YWHAB: variants seen among roughly 807,000 people sequenced by gnomAD.
YWHAB encodes tyrosine 3-monooxygenase/tryptophan 5-monooxygenase activation protein beta, also known as 14-3-3 protein beta/alpha.
In YWHAB, 2 loss-of-function variants were observed where a neutral mutation model predicts 28.5. The ratio of observed to expected loss-of-function variants is 0.07; its 90% CI spans 0.03 to 0.22. The LOEUF (loss-of-function observed/expected upper bound fraction) is 0.22. YWHAB is among the 10% of genes least tolerant of loss of function. YWHAB has a pLI of 1.00. For missense variants in YWHAB, 148 were observed against 297.1 expected (o/e 0.50, Z 3.69); for synonymous variants, 103 against 104.7 (o/e 0.98, Z 0.10).
intron 1 of YWHAB, chr20:44,886,306 C>G (rs945547188): frequency 6.6e-6 from 1 of 152,384 alleles, no homozygotes; most frequent in Non-Finnish European, 1.5e-5. Flanking sequence ...AAAATTTAAT[C>G]AAACGCGGAT....
chr20:44,895,993 T>G (rs1156450057), intron 1 of YWHAB, among the ~76,000 whole-genome samples: 2 of 152,176 alleles, frequency 1.3e-5, no homozygotes, highest in African/African-American at 4.8e-5. Flanking sequence ...CTGTGGGAGA[T>G]ATGTCCAAAG....
chr20:44,898,498 TTTC>T lies in YWHAB; in HGVS notation c.-3-3030_-3-3028del, dbSNP rs768409607. On this transcript the variant is annotated intron_variant, in intron 1 of 5. Transcript: ENST00000353703. ...ATCATTTTGTGAGTGGAGGTCATAC[TTTC>T]TTGTTTTTTTTTTCCTTTTTTTTTT... 7.2e-5 allele frequency among the ~76,000 whole-genome samples: 11 copies of T among 152,084 alleles called. No individual in the cohort carries two copies. In the East Asian group the frequency reaches 7.8e-4, roughly 11 times the overall value.
intron 1 of YWHAB, among the ~76,000 whole-genome samples, chr20:44,892,002 G>A (rs1254626712): frequency 1.3e-5 from 2 of 152,050 alleles, no homozygotes; most frequent in African/African-American, 4.8e-5. Flanking sequence ...ACTTTTTCTG[G>A]GTAACACCCA....
rs145422636 is a variant in YWHAB at position 44,895,699 on chromosome 20, C to G, written c.-3-5832C>G. ...CCCAGGCTGGTCTTGAACTCCTGGTCTCAAGCGATGCTCCAGCTTTGGCCT... is the reference window on the plus strand; with the variant it reads ...CCCAGGCTGGTCTTGAACTCCTGGTGTCAAGCGATGCTCCAGCTTTGGCCT... On this transcript the variant is annotated intron_variant, in intron 1 of 5. Coordinates refer to ENST00000353703, the MANE Select transcript of YWHAB (RefSeq NM_139323.4). 2.6e-5 allele frequency among the ~76,000 whole-genome samples: 4 copies of G among 152,274 alleles called. No individual in the cohort carries two copies. The East Asian group carries it at 7.7e-4, about 29-fold the overall frequency.
chr20:44,901,494 A>G, intron 1 of YWHAB, 37 bp from the exon 2 acceptor site: 1 of 1,541,744 alleles, frequency 6.5e-7, no homozygotes, highest in South Asian at 1.2e-5. Context: ...CCGAAACCTG[A>G]CATTTGCTCT....
chr20:44,900,486 T>C (rs377022010), intron 1 of YWHAB, among the ~76,000 whole-genome samples: 6 of 152,216 alleles, frequency 3.9e-5, no homozygotes, highest in Admixed American at 3.9e-4. Flanking sequence ...GTAACAAAGT[T>C]AGCAGATTAC....
chr20:44,905,012 A>G lies in YWHAB; in HGVS notation c.469A>G (p.Ile157Val). 1.2e-6 allele frequency: 2 copies of G among 1,611,536 alleles called. No individual in the cohort carries two copies. The highest frequency in any genetic ancestry group is 8.5e-7 in the Non-Finnish European group (1 of 1,178,184). The change falls in exon 4 of 6, where the codon ATT becomes GTT. Residue 157 changes from isoleucine to valine, a missense_variant. Ile to Val is a conservative substitution (Grantham distance 29, BLOSUM62 3). Coordinates refer to ENST00000353703, the MANE Select transcript of YWHAB (RefSeq NM_139323.4). Reference protein sequence around the residue: ...SQQAYQEAFEISKKEMQPTHP... With the variant: ...SQQAYQEAFEVSKKEMQPTHP... The stretch of plus-strand genomic sequence containing the variant: ...GCAGGCTTACCAGGAAGCATTTGAA[A>G]TTAGTAAGAAAGAAATGCAGCCTAC...
Position 44,902,190 on chromosome 20 carries a change from C to T in YWHAB, c.300+357C>T, listed in dbSNP as rs144430715. 815 of 166,092 alleles carry T rather than the reference C, an allele frequency of 4.9e-3. 4 individuals carry two copies. The highest frequency in any genetic ancestry group is 0.018 in the African/African-American group (765 of 42,030). The allele number at this position is 166,092 out of a possible 1,614,324, so 10.3% of individuals were successfully genotyped here. On this transcript the variant is annotated intron_variant, in intron 2 of 5. Transcript: ENST00000353703. ...ATATTAGTCAGAGTAGTGATGTCAT[C>T]GCCAGTAGGGGAGGGAGATGAAAAA...
At chr20:44,905,218 C>G in intron 4 of YWHAB, 87 bp downstream of exon 4, 1 of 1,401,098 alleles carries the variant, frequency 7.1e-7, no homozygotes, top group Admixed American at 2.5e-5. Context: ...TACTCATTGT[C>G]TTGGACTTTT....
In YWHAB at chr20:44,906,583, C is replaced by A; in HGVS notation, c.*145C>A. The A allele has an allele frequency of 1.6e-6, 1 of 626,542 alleles. No individual in the cohort carries two copies. The highest frequency in any genetic ancestry group is 2.5e-6 in the Non-Finnish European group (1 of 395,022). 38.8% of individuals were successfully genotyped at this position (626,542 alleles called of 1,614,324 possible). ...CAGCCTCAGCCTAGGAAAAATGGTT[C>A]ATGGGATAAACAGCTGGTATTTGTA... On this transcript the variant is annotated 3_prime_UTR_variant, in exon 6 of 6. Transcript: ENST00000353703.
chr20:44,894,381 T>G (rs2066583143), intron 1 of YWHAB, among the ~76,000 whole-genome samples: 1 of 152,234 alleles, frequency 6.6e-6, no homozygotes, highest in Non-Finnish European at 1.5e-5. Flanking sequence ...TTGCTGACTT[T>G]TTTTTTAGTG....
At chr20:44,895,712 C>T (rs1002631381) in intron 1 of YWHAB, among the ~76,000 whole-genome samples, 23 of 152,188 alleles carry the variant, frequency 1.5e-4, no homozygotes, top group African/African-American at 5.3e-4. Context: ...AAGCGATGCT[C>T]CAGCTTTGGC....
intron 1 of YWHAB, chr20:44,886,357 A>C (rs1307004698): frequency 6.6e-6 from 1 of 152,304 alleles, no homozygotes; most frequent in Non-Finnish European, 1.5e-5. Flanking sequence ...CTCCTCCTGG[A>C]TGAGTAAGGG....
At chr20:44,903,708 TTA>T (rs1434849735) in intron 2 of YWHAB, 1 of 226,630 alleles carries the variant, frequency 4.4e-6, no homozygotes, top group African/African-American at 2.3e-5. Context: ...AGCCTTTCCA[TTA>T]TCTGTTTAGC....
At chr20:44,905,154 T>C (rs201412436) in intron 4 of YWHAB, 23 bp downstream of exon 4, 3 of 1,591,102 alleles carry the variant, frequency 1.9e-6, no homozygotes, top group East Asian at 2.2e-5. Context: ...CTTTGTGATA[T>C]CTAACCATAG....
Position 44,907,452 on chromosome 20 carries a change from A to T in YWHAB, c.*1014A>T, listed in dbSNP as rs2066664869. The T allele has an allele frequency of 6.6e-6, 1 of 152,206 alleles. No homozygotes were observed. The highest frequency in any genetic ancestry group is 6.5e-5 in the Admixed American group (1 of 15,274). 9.4% of individuals were successfully genotyped at this position (152,206 alleles called of 1,614,324 possible). On this transcript the variant is annotated 3_prime_UTR_variant, in exon 6 of 6. Coordinates refer to ENST00000353703, the MANE Select transcript of YWHAB (RefSeq NM_139323.4). ...GGCAACATAGCGAGACCTCATCTCC[A>T]AAAAAGAAAACAAAAAACAAAAAAA... is the stretch of plus-strand genomic sequence containing the variant.
chr20:44,891,950 G>GT (rs756183931), intron 1 of YWHAB, among the ~76,000 whole-genome samples: 15 of 152,210 alleles, frequency 9.9e-5, no homozygotes, highest in Non-Finnish European at 1.9e-4. Flanking sequence ...TATAGTGGGT[G>GT]TTTTTTAGTG....
intron 1 of YWHAB, among the ~76,000 whole-genome samples, chr20:44,890,526 T>TG (rs1246444769): frequency 1.4e-5 from 2 of 146,156 alleles, no homozygotes; most frequent in Middle Eastern, 3.5e-3. Context: ...TTTTTTTTTT[T>TG]GTGAGATGGA....
intron 1 of YWHAB, among the ~76,000 whole-genome samples, chr20:44,894,969 A>G (rs2066587434): frequency 6.6e-6 from 1 of 152,260 alleles, no homozygotes; most frequent in Non-Finnish European, 1.5e-5. Context: ...TAGCACAGTT[A>G]TAAGCATTAA....
Sources: gnomAD v4.1 joint callset for allele counts (sites outside exome capture counted in the v4.1 genomes callset) on GRCh38, gnomAD v4.1.1 for gene constraint, MANE v1.5 for transcripts, NCBI Gene and HGNC (gene_info 2026-07-23, HGNC 2026-07-21) for gene names.